EPHA6: variants seen among roughly 807,000 people sequenced by gnomAD.
EPHA6 encodes the protein ephrin type-A receptor 6.
EPHA6 carries 50 observed loss-of-function variants against 112.0 expected under a neutral mutation model. The ratio of observed to expected loss-of-function variants is 0.45; its 90% CI spans 0.36 to 0.56. EPHA6 has a LOEUF of 0.56. Among genes scored for constraint, EPHA6 ranks in the 20% least tolerant of loss-of-function variants. The pLI, the probability that EPHA6 is intolerant of heterozygous loss-of-function variation, is 0.00. For missense variants in EPHA6, 1,280 were observed against 1,417.4 expected (o/e 0.90, Z 1.56); for synonymous variants, 529 against 490.7 (o/e 1.08, Z -1.03).
intron 7 of EPHA6, among the ~76,000 whole-genome samples, chr3:97,465,467 T>C (rs2091021633): frequency 1.3e-5 from 2 of 152,166 alleles, no homozygotes; most frequent in Admixed American, 6.6e-5. Flanking sequence ...GCCATAGTTT[T>C]GTGCTACCAT....
intron 5 of EPHA6, among the ~76,000 whole-genome samples, chr3:97,320,539 A>T (rs2082059846): frequency 6.6e-6 from 1 of 151,910 alleles, no homozygotes; most frequent in South Asian, 2.1e-4. Flanking sequence ...GAAACATGTT[A>T]TCATTTCCCT....
chr3:97,215,426 C>T (rs930428100), intron 3 of EPHA6, among the ~76,000 whole-genome samples: 7 of 152,032 alleles, frequency 4.6e-5, no homozygotes, highest in African/African-American at 1.7e-4. Context: ...AAATTTCAAA[C>T]ATCTATAAGA....
chr3:96,871,093 C>A (rs1474939669), intron 2 of EPHA6, among the ~76,000 whole-genome samples: 1 of 151,976 alleles, frequency 6.6e-6, no homozygotes, highest in African/African-American at 2.4e-5. Flanking sequence ...TTCTTAGAAA[C>A]TTCACAACAT....
chr3:97,564,794 A>G (rs2093239398), intron 11 of EPHA6, among the ~76,000 whole-genome samples: 1 of 152,200 alleles, frequency 6.6e-6, no homozygotes, highest in Non-Finnish European at 1.5e-5. Flanking sequence ...AAATTGAAAA[A>G]CAAGTTGTCA....
chr3:97,222,215 A>G (rs2078227808), intron 3 of EPHA6, among the ~76,000 whole-genome samples: 1 of 152,176 alleles, frequency 6.6e-6, no homozygotes, highest in Admixed American at 6.5e-5. Context: ...TGAGAGTTAT[A>G]TGCTGTATAC....
At chr3:97,040,118 A>G (rs1188592808) in intron 3 of EPHA6, among the ~76,000 whole-genome samples, 1 of 151,400 alleles carries the variant, frequency 6.6e-6, no homozygotes, top group Non-Finnish European at 1.5e-5. Context: ...ATTAATTATA[A>G]TAATGATAGT....
rs547148786 is a variant in EPHA6, at chr3:97,283,168, T to G, written c.1606+38881T>G. Among the ~76,000 whole-genome samples, 4 of 152,338 alleles carry G rather than the reference T, an allele frequency of 2.6e-5. No homozygotes were observed. The East Asian group carries it at 5.8e-4, about 22-fold the overall frequency. On this transcript the variant is annotated intron_variant, in intron 5 of 17. Transcript: ENST00000389672. ...ATTATTCTCTCTTATTGACTTGGTA[T>G]GTGAATTTTCAAACTGTCAACAACT... is the stretch of plus-strand genomic sequence containing the variant.
At chr3:97,324,439 T>TTCTG in intron 5 of EPHA6, among the ~76,000 whole-genome samples, 3 of 147,794 alleles carry the variant, frequency 2.0e-5, no homozygotes, top group Non-Finnish European at 3.0e-5. Flanking sequence ...CTTTCTTTCT[T>TTCTG]TCTTTCTTTC....
chr3:97,174,361 G>C (rs1462731177), intron 3 of EPHA6, among the ~76,000 whole-genome samples: 1 of 151,832 alleles, frequency 6.6e-6, no homozygotes, highest in Non-Finnish European at 1.5e-5. Context: ...AACAAACATA[G>C]GAGTGCAGGT....
chr3:97,475,405 G>A lies in EPHA6; in HGVS notation c.1948G>A (p.Val650Ile). The A allele has an allele frequency of 1.2e-6, 2 of 1,612,442 alleles. No individual in the cohort carries two copies. The highest frequency in any genetic ancestry group is 8.5e-7 in the Non-Finnish European group (1 of 1,179,084). ...GATTCTCGTGATAGCCACCGCCGCT[G>A]TTGGCGGATTCACTCTCCTCGTCAT... ...GQILVIATAA[V>I]GGFTLLVILT... Residue 650 changes from valine (V) to isoleucine (I), a missense_variant, in exon 8 of 18, where the codon GTT (valine) becomes ATT (isoleucine). This residue lies in a region of EPHA6 where 878 missense variants were observed against 999.7 expected (regional missense o/e 0.88). Transcript: ENST00000389672.
At chr3:97,627,434 T>C (rs2093867424) in intron 13 of EPHA6, among the ~76,000 whole-genome samples, 1 of 151,744 alleles carries the variant, frequency 6.6e-6, no homozygotes, top group Non-Finnish European at 1.5e-5. Flanking sequence ...GAGTAAAGAT[T>C]AGAAGAAGGT....
At chr3:97,477,661 T>C (rs1190553767) in intron 8 of EPHA6, among the ~76,000 whole-genome samples, 1 of 152,204 alleles carries the variant, frequency 6.6e-6, no homozygotes, top group Non-Finnish European at 1.5e-5. Context: ...ACGTGTTTAG[T>C]AAACTTTATT....
chr3:97,336,631 A>G (rs1217700353), intron 5 of EPHA6, among the ~76,000 whole-genome samples: 1 of 152,046 alleles, frequency 6.6e-6, no homozygotes. Context: ...TGGGGAGTTT[A>G]CTGTTATTTC....
At chr3:97,277,560 T>A (rs2108655536) in intron 5 of EPHA6, among the ~76,000 whole-genome samples, 1 of 152,332 alleles carries the variant, frequency 6.6e-6, no homozygotes, top group East Asian at 1.9e-4. Flanking sequence ...AGATATAGCC[T>A]ACTCCATATA....
intron 11 of EPHA6, among the ~76,000 whole-genome samples, chr3:97,577,995 A>G (rs1367776304): frequency 6.6e-6 from 1 of 152,154 alleles, no homozygotes; most frequent in Middle Eastern, 3.2e-3. Context: ...TTGCCCAGAT[A>G]GAGTAAGAAG....
At chr3:96,941,461 A>G (rs2040942332) in intron 2 of EPHA6, among the ~76,000 whole-genome samples, 1 of 152,144 alleles carries the variant, frequency 6.6e-6, no homozygotes, top group Admixed American at 6.5e-5. Context: ...AGCTCCTTTA[A>G]GCACTTCTGT....
intron 5 of EPHA6, among the ~76,000 whole-genome samples, chr3:97,264,206 A>G (rs574779721): frequency 6.6e-6 from 1 of 152,196 alleles, no homozygotes; most frequent in South Asian, 2.1e-4. Flanking sequence ...CATTCCATCC[A>G]CTCAGCCTGG....
At chr3:97,174,284 T>C (rs1440682324) in intron 3 of EPHA6, among the ~76,000 whole-genome samples, 1 of 151,974 alleles carries the variant, frequency 6.6e-6, no homozygotes, top group Non-Finnish European at 1.5e-5. Context: ...TACATTTTCT[T>C]TATCCATTCA....
intron 6 of EPHA6, among the ~76,000 whole-genome samples, chr3:97,413,627 A>T (rs975186090): frequency 1.3e-5 from 2 of 152,070 alleles, no homozygotes; most frequent in African/African-American, 4.8e-5. Context: ...GTGAAATTAC[A>T]GTTCTCTGTC....
Sources: gnomAD v4.1 joint callset for allele counts (sites outside exome capture counted in the v4.1 genomes callset) on GRCh38, gnomAD v4.1.1 for gene constraint, gnomAD v4.1.1 regional missense constraint, MANE v1.5 for transcripts, NCBI Gene and HGNC (gene_info 2026-07-23, HGNC 2026-07-21) for gene names.